HIVEP2: variants seen among roughly 807,000 people sequenced by gnomAD.
The protein encoded by HIVEP2 is transcription factor HIVEP2.
Under a neutral mutation model 180.7 loss-of-function variants are expected in HIVEP2, and 14 were observed. That is an observed-to-expected ratio of 0.08 (90% CI 0.05 to 0.12). The LOEUF (loss-of-function observed/expected upper bound fraction) is 0.12, where lower values mean the gene tolerates loss of function less well. Among genes scored for constraint, HIVEP2 ranks in the 10% least tolerant of loss-of-function variants. The probability of loss-of-function intolerance (pLI) is 1.00; values close to 1 mark genes in which losing one functional copy is unlikely to be tolerated. For synonymous variants in HIVEP2, 1,184 were observed against 1,136.4 expected (o/e 1.04, Z -0.84); for missense variants, 2,579 against 3,008.5 (o/e 0.86, Z 3.34).
intron 1 of HIVEP2, among the ~76,000 whole-genome samples, chr6:142,868,015 A>G (rs1776183924): frequency 6.6e-6 from 1 of 152,172 alleles, no homozygotes; most frequent in Non-Finnish European, 1.5e-5. Context: ...CTAATCTGGC[A>G]TAGATTAGAA....
intron 1 of HIVEP2, among the ~76,000 whole-genome samples, chr6:142,914,603 A>G (rs1777504124): frequency 6.6e-6 from 1 of 152,192 alleles, no homozygotes; most frequent in African/African-American, 2.4e-5. Flanking sequence ...GGAGAGGTTA[A>G]ATGACTATTC....
At chr6:142,856,098 G>C (rs1205413855) in intron 1 of HIVEP2, among the ~76,000 whole-genome samples, 1 of 151,944 alleles carries the variant, frequency 6.6e-6, no homozygotes, top group Non-Finnish European at 1.5e-5. Context: ...TTCAGTATTT[G>C]ACAACGCTTG....
chr6:142,920,330 C>T (rs1441084774), intron 1 of HIVEP2, among the ~76,000 whole-genome samples: 1 of 152,192 alleles, frequency 6.6e-6, no homozygotes, highest in Non-Finnish European at 1.5e-5. Context: ...GCATGCAGAG[C>T]TGACCTTGGT....
At chr6:142,762,012 T>G (rs1355188281) in intron 7 of HIVEP2, among the ~76,000 whole-genome samples, 1 of 152,236 alleles carries the variant, frequency 6.6e-6, no homozygotes, top group African/African-American at 2.4e-5. Flanking sequence ...CCTGACCTTC[T>G]GTGACTGATC....
chr6:142,941,865 C>A (rs1478203835), intron 1 of HIVEP2, among the ~76,000 whole-genome samples: 1 of 152,146 alleles, frequency 6.6e-6, no homozygotes, highest in Non-Finnish European at 1.5e-5. Context: ...AAACTGTGAA[C>A]CGTTTCTCCA....
At chr6:142,872,369 A>C (rs916242644) in intron 1 of HIVEP2, among the ~76,000 whole-genome samples, 4 of 152,222 alleles carry the variant, frequency 2.6e-5, no homozygotes, top group African/African-American at 9.6e-5. Context: ...TTTCCTAAAC[A>C]GTTATGTCCA....
intron 1 of HIVEP2, among the ~76,000 whole-genome samples, chr6:142,901,196 G>A (rs1405665438): frequency 6.6e-6 from 1 of 152,074 alleles, no homozygotes; most frequent in East Asian, 1.9e-4. Context: ...CCCCACTCCT[G>A]CCCTTTTTAA....
At chr6:142,830,869 G>A (rs1582896885) in intron 2 of HIVEP2, among the ~76,000 whole-genome samples, 1 of 152,020 alleles carries the variant, frequency 6.6e-6, no homozygotes, top group Non-Finnish European at 1.5e-5. Context: ...ATCCACACAA[G>A]CTCACCCTAG....
At chr6:142,855,131 C>T (rs952704599) in intron 1 of HIVEP2, among the ~76,000 whole-genome samples, 4 of 152,206 alleles carry the variant, frequency 2.6e-5, no homozygotes, top group African/African-American at 9.7e-5. Flanking sequence ...GCTTATGAAA[C>T]CCGCTTCATT....
intron 1 of HIVEP2, among the ~76,000 whole-genome samples, chr6:142,896,442 T>C (rs1380556162): frequency 1.3e-5 from 2 of 152,144 alleles, no homozygotes; most frequent in African/African-American, 4.8e-5. Context: ...TCGGTCCCTA[T>C]GTAATCTAGA....
At chr6:142,834,468 G>A (rs62430704) in intron 2 of HIVEP2, among the ~76,000 whole-genome samples, 1 of 151,812 alleles carries the variant, frequency 6.6e-6, no homozygotes, top group Non-Finnish European at 1.5e-5. Flanking sequence ...CTTTTTTTAG[G>A]AAGGAATATC....
chr6:142,894,485 T>A (rs770507223), intron 1 of HIVEP2, among the ~76,000 whole-genome samples: 1 of 152,188 alleles, frequency 6.6e-6, no homozygotes, highest in Non-Finnish European at 1.5e-5. Flanking sequence ...AAGTAGATGA[T>A]CCATAAATTA....
At chr6:142,890,109 T>C (rs1352908636) in intron 1 of HIVEP2, among the ~76,000 whole-genome samples, 1 of 152,222 alleles carries the variant, frequency 6.6e-6, no homozygotes, top group Admixed American at 6.5e-5. Context: ...TCTTCATTTT[T>C]GTTAATTCAA....
chr6:142,880,200 C>T (rs1475943830), intron 1 of HIVEP2, among the ~76,000 whole-genome samples: 1 of 152,174 alleles, frequency 6.6e-6, no homozygotes, highest in Non-Finnish European at 1.5e-5. Flanking sequence ...TCTTTGCTCT[C>T]TCTCCAGCAG....
intron 2 of HIVEP2, among the ~76,000 whole-genome samples, chr6:142,829,653 T>C (rs938870396): frequency 7.9e-5 from 12 of 152,228 alleles, no homozygotes; most frequent in Non-Finnish European, 1.5e-4. Context: ...AAACACTACA[T>C]TGCATATGGC....
intron 1 of HIVEP2, among the ~76,000 whole-genome samples, chr6:142,871,687 C>T (rs752082592): frequency 1.3e-5 from 2 of 151,908 alleles, no homozygotes; most frequent in Non-Finnish European, 2.9e-5. Flanking sequence ...TATTTGGCCC[C>T]CATCCATTTT....
At chr6:142,852,279 T>C (rs927722557) in intron 1 of HIVEP2, among the ~76,000 whole-genome samples, 6 of 152,212 alleles carry the variant, frequency 3.9e-5, no homozygotes, top group Admixed American at 6.5e-5. Context: ...TTAATCTTTC[T>C]ATCAAGAAGT....
chr6:142,771,404 T>G lies in HIVEP2; in HGVS notation c.3335A>C (p.His1112Pro), dbSNP rs370400712. The G allele has an allele frequency of 4.5e-5, 73 of 1,613,388 alleles. No homozygotes were observed. The African/African-American group carries it at 8.4e-4, about 19-fold the overall frequency. The change falls in exon 5 of 10, where the codon CAT becomes CCT. Residue 1112 changes from histidine to proline, a missense_variant. This residue lies in a region of HIVEP2 where 523 missense variants were observed against 577.0 expected (regional missense o/e 0.91). Coordinates refer to ENST00000367603, the MANE Select transcript of HIVEP2 (RefSeq NM_006734.4). The surrounding 1 kb of genome is among the most constrained non-coding windows in gnomAD (Gnocchi z 5.4). ...SVKQEQLEHLHAGLRSGWHHG... is the reference protein window; with the variant it reads ...SVKQEQLEHLPAGLRSGWHHG... ...GTGCCACCCGGACCGGAGGCCAGCA[T>G]GCAGGTGCTCCAGCTGCTCTTGCTT...
At chr6:142,777,030 G>A (rs1221566503) in intron 3 of HIVEP2, among the ~76,000 whole-genome samples, 3 of 152,240 alleles carry the variant, frequency 2.0e-5, no homozygotes, top group Non-Finnish European at 4.4e-5. Flanking sequence ...GTTCAATGAG[G>A]TACCCAGAGG....
Sources: gnomAD v4.1 joint callset for allele counts (sites outside exome capture counted in the v4.1 genomes callset) on GRCh38, gnomAD v4.1.1 for gene constraint, gnomAD v4.1.1 regional missense constraint, Gnocchi (gnomAD v3.1) non-coding constraint, MANE v1.5 for transcripts, NCBI Gene and HGNC (gene_info 2026-07-23, HGNC 2026-07-21) for gene names.